The following LIN7A variants were observed in gnomAD, a reference collection of about 807,000 sequenced individuals.
LIN7A encodes the protein protein lin-7 homolog A.
Under a neutral mutation model 29.8 loss-of-function variants are expected in LIN7A, and 25 were observed. That is an observed-to-expected ratio of 0.84 (90% CI 0.61 to 1.17). The LOEUF is 1.17. LIN7A is among the 50% of genes most tolerant of loss of function. LIN7A has a pLI of 0.00. For synonymous variants in LIN7A, 118 were observed against 107.5 expected, an observed-to-expected ratio of 1.10 and a Z score of -0.60; for missense variants, 239 against 287.0, an observed-to-expected ratio of 0.83 and a Z score of 1.21.
intron 2 of LIN7A, among the ~76,000 whole-genome samples, chr12:80,878,627 G>A (rs1304063339): frequency 6.6e-6 from 1 of 152,218 alleles, no homozygotes; most frequent in East Asian, 1.9e-4. Flanking sequence ...GGTTGCTGCT[G>A]TTGGCGGACG....
chr12:80,861,165 G>C (rs950965661), intron 2 of LIN7A: 1 of 152,552 alleles, frequency 6.6e-6, no homozygotes, highest in African/African-American at 2.4e-5. Context: ...CACAGGAGAC[G>C]TCACACCTCT....
chr12:80,909,882 CTGT>C (rs1876669393), intron 1 of LIN7A, among the ~76,000 whole-genome samples: 1 of 151,054 alleles, frequency 6.6e-6, no homozygotes. Context: ...CTAAAAACAC[CTGT>C]TGGCATTTTA....
intron 2 of LIN7A, among the ~76,000 whole-genome samples, chr12:80,865,155 T>G (rs1219369639): frequency 6.6e-6 from 1 of 152,196 alleles, no homozygotes; most frequent in Non-Finnish European, 1.5e-5. Context: ...ATGTTCTTAC[T>G]GCCTATCTAA....
intron 1 of LIN7A, among the ~76,000 whole-genome samples, chr12:80,927,757 G>A (rs542930629): frequency 1.1e-4 from 17 of 152,182 alleles, no homozygotes; most frequent in African/African-American, 4.1e-4. Context: ...TGTGCACAAT[G>A]TGCAGGTTTG....
At chr12:80,931,483 A>T (rs993854712) in intron 1 of LIN7A, among the ~76,000 whole-genome samples, 6 of 152,126 alleles carry the variant, frequency 3.9e-5, no homozygotes, top group Admixed American at 6.5e-5. Context: ...TCTATTAAAA[A>T]ATACAAAAAC....
intron 5 of LIN7A, among the ~76,000 whole-genome samples, chr12:80,801,063 C>CATAT (rs139830315): frequency 8.7e-5 from 13 of 149,352 alleles, no homozygotes; most frequent in African/African-American, 2.7e-4. Flanking sequence ...TGAAAATAAG[C>CATAT]ATATATATAT....
At chr12:80,937,499 G>T (rs922566894) in intron 1 of LIN7A, 142 bp downstream of exon 1, 11 of 484,324 alleles carry the variant, frequency 2.3e-5, no homozygotes, top group Non-Finnish European at 3.9e-5. Context: ...TTCTGTTCTC[G>T]GCGCGAACGC....
At position 80,845,883 on chromosome 12, in the gene LIN7A, T is replaced by C; in HGVS notation, c.330A>G (p.Glu110=). The change falls in exon 4 of 6, where the codon GAA becomes GAG. Residue 110 remains glutamate, a synonymous_variant. Transcript: ENST00000552864. ...SEGHSHPRVV[E]LPKTDEGLGF... is the part of the protein sequence containing the mutation. ...CAAGGCCTTCATCAGTCTTTGGCAGTTCAACTACTCGAGGGTGGGAGTGGC... is the reference window on the plus strand; with the variant it reads ...CAAGGCCTTCATCAGTCTTTGGCAGCTCAACTACTCGAGGGTGGGAGTGGC... 2.5e-6 allele frequency: 4 copies of C among 1,612,216 alleles called. No homozygotes were observed. The highest frequency in any genetic ancestry group is 3.4e-6 in the Non-Finnish European group (4 of 1,179,200).
intron 2 of LIN7A, among the ~76,000 whole-genome samples, chr12:80,876,102 C>G (rs905538158): frequency 4.7e-5 from 6 of 126,802 alleles, no homozygotes; most frequent in Non-Finnish European, 7.4e-5. Flanking sequence ...AAGAGAGAGA[C>G]AGACAGAGAG....
rs183794800 is a variant in LIN7A at position 80,877,475 on chromosome 12, A to C, written c.201+11776T>G. On this transcript the variant is annotated intron_variant, in intron 2 of 5. Coordinates refer to ENST00000552864, the MANE Select transcript of LIN7A (RefSeq NM_004664.4). Reference sequence around the variant, plus strand: ...CTCTTTATAACATTTTAAACAAATAAAATTAAAATAAATATATTTTAGGAA... The same window carrying C: ...CTCTTTATAACATTTTAAACAAATACAATTAAAATAAATATATTTTAGGAA... 2.2e-4 allele frequency among the ~76,000 whole-genome samples: 33 copies of C among 152,244 alleles called. No homozygotes were observed. The East Asian group carries it at 5.8e-3, about 27-fold the overall frequency.
chr12:80,802,533 A>T (rs527728389), intron 5 of LIN7A, among the ~76,000 whole-genome samples: 10 of 151,578 alleles, frequency 6.6e-5, no homozygotes, highest in Non-Finnish European at 1.5e-4. Flanking sequence ...GTTTTTGAGG[A>T]CCCTCCTCCA....
At chr12:80,891,233 C>T (rs1875609515) in intron 1 of LIN7A, among the ~76,000 whole-genome samples, 1 of 152,130 alleles carries the variant, frequency 6.6e-6, no homozygotes, top group African/African-American at 2.4e-5. Flanking sequence ...TTTTTTCAGT[C>T]CATCTGCCAC....
chr12:80,903,812 T>C (rs1463839941), intron 1 of LIN7A, among the ~76,000 whole-genome samples: 2 of 152,146 alleles, frequency 1.3e-5, no homozygotes, highest in African/African-American at 4.8e-5. Context: ...ATCAACAATG[T>C]ATAAATGTTC....
chr12:80,901,573 A>C (rs962556093), intron 1 of LIN7A, among the ~76,000 whole-genome samples: 1 of 152,112 alleles, frequency 6.6e-6, no homozygotes, highest in Non-Finnish European at 1.5e-5. Context: ...AGTAAATCCC[A>C]GTTCCCTTTT....
intron 4 of LIN7A, among the ~76,000 whole-genome samples, chr12:80,821,414 A>T (rs895844770): frequency 1.3e-5 from 2 of 152,108 alleles, no homozygotes; most frequent in Admixed American, 1.3e-4. Flanking sequence ...TTAATTAAAA[A>T]TACTTTATTG....
intron 2 of LIN7A, among the ~76,000 whole-genome samples, chr12:80,879,897 G>A (rs1302434011): frequency 2.6e-5 from 4 of 152,142 alleles, no homozygotes; most frequent in African/African-American, 9.7e-5. Context: ...GTGAATTCAG[G>A]TTCTATGAAA....
chr12:80,850,087 A>G (rs1873256942), intron 2 of LIN7A, among the ~76,000 whole-genome samples: 1 of 152,176 alleles, frequency 6.6e-6, no homozygotes, highest in African/African-American at 2.4e-5. Context: ...CCTAATAAAT[A>G]TCACAAATTA....
Position 80,835,279 on chromosome 12 carries a change from T to G in LIN7A, c.483+10451A>C, listed in dbSNP as rs116276412. Reference sequence around the variant, plus strand: ...ATACAGCAACAATGCTGTGTAATTGTGGAAGCATAAGTCTTATCTTTTAAT... The same window carrying G: ...ATACAGCAACAATGCTGTGTAATTGGGGAAGCATAAGTCTTATCTTTTAAT... On this transcript the variant is annotated intron_variant, in intron 4 of 5. Transcript: ENST00000552864. 1.2e-3 allele frequency among the ~76,000 whole-genome samples: 188 copies of G among 152,318 alleles called. 1 individual carries two copies. Among genetic ancestry groups the G allele is most frequent in the African/African-American group, 4.0e-3 (167 of 41,590 alleles).
chr12:80,890,040 T>C (rs1272650681), intron 1 of LIN7A, among the ~76,000 whole-genome samples: 2 of 152,130 alleles, frequency 1.3e-5, no homozygotes, highest in Admixed American at 6.6e-5. Flanking sequence ...ATTCTGATCA[T>C]GTGCCCATCT....
Sources: gnomAD v4.1 joint callset for allele counts (sites outside exome capture counted in the v4.1 genomes callset) on GRCh38, gnomAD v4.1.1 for gene constraint, MANE v1.5 for transcripts, NCBI Gene and HGNC (gene_info 2026-07-23, HGNC 2026-07-21) for gene names.